The following MAD1L1 variants were observed in gnomAD, a reference collection of about 807,000 sequenced individuals.
MAD1L1 encodes the protein mitotic spindle assembly checkpoint protein MAD1.
A neutral mutation model predicts 96.9 loss-of-function variants in MAD1L1; 95 were observed. That is an observed-to-expected ratio of 0.98 (90% CI 0.83 to 1.16). The LOEUF (loss-of-function observed/expected upper bound fraction) is 1.16. MAD1L1 is among the 50% of genes most tolerant of loss of function. The pLI is 0.00. For synonymous variants in MAD1L1, 473 were observed against 396.6 expected (o/e 1.19, Z -2.29); for missense variants, 1,007 against 954.4 (o/e 1.06, Z -0.73).
At chr7:2,032,221 A>C (rs2128506839) in intron 12 of MAD1L1, among the ~76,000 whole-genome samples, 1 of 152,350 alleles carries the variant, frequency 6.6e-6, no homozygotes, top group African/African-American at 2.4e-5. Flanking sequence ...TTAAAAAATG[A>C]ACGAGTGAAA....
intron 13 of MAD1L1, among the ~76,000 whole-genome samples, chr7:2,005,889 A>C (rs1054424866): frequency 6.6e-5 from 10 of 152,242 alleles, no homozygotes; most frequent in African/African-American, 2.4e-4. Flanking sequence ...CAAATGGGAC[A>C]CTGCACAACC....
chr7:2,142,548 G>A lies in MAD1L1; in HGVS notation c.1073+6604C>T, dbSNP rs763759854. On this transcript the variant is annotated intron_variant, in intron 11 of 18. Transcript: ENST00000265854. This position sits in a 1 kb window ranked among gnomAD's most constrained non-coding sequence, Gnocchi z 4.7. ...CGCCCCTAGCTGCCACTGAGCCCAC[G>A]GTGAAGGGCACGGTGCCACCCAGAG... Among the ~76,000 whole-genome samples, 4 of 152,214 alleles carry A rather than the reference G, an allele frequency of 2.6e-5. No individual in the cohort carries two copies. Among genetic ancestry groups the A allele is most frequent in the Admixed American group, 2.0e-4 (3 of 15,288 alleles).
chr7:1,925,817 T>C (rs1019562290), intron 17 of MAD1L1, among the ~76,000 whole-genome samples: 35 of 152,206 alleles, frequency 2.3e-4, no homozygotes, highest in African/African-American at 6.8e-4. Flanking sequence ...ACGGAACGCT[T>C]ACGTTGGAAA....
At chr7:1,881,659 G>A (rs114685279) in intron 18 of MAD1L1, among the ~76,000 whole-genome samples, 246 of 152,306 alleles carry the variant, frequency 1.6e-3, no homozygotes, top group African/African-American at 5.3e-3. Flanking sequence ...TTAATTGAGC[G>A]TAAAATGCTC....
chr7:2,226,986 CAAAAAA>C (rs34846451), intron 3 of MAD1L1, among the ~76,000 whole-genome samples: 1 of 124,412 alleles, frequency 8.0e-6, no homozygotes, highest in Non-Finnish European at 1.7e-5. Context: ...GAGTTCGTCT[CAAAAAA>C]AAAAAAACAA....
intron 12 of MAD1L1, among the ~76,000 whole-genome samples, chr7:2,056,133 GAACA>G (rs1784379028): frequency 6.6e-6 from 1 of 152,238 alleles, no homozygotes; most frequent in Admixed American, 6.5e-5. Context: ...GCGCCACAGG[GAACA>G]TGATGACTGT....
chr7:2,118,692 C>G (rs1432142434), intron 11 of MAD1L1, among the ~76,000 whole-genome samples: 1 of 152,176 alleles, frequency 6.6e-6, no homozygotes, highest in Non-Finnish European at 1.5e-5. Context: ...TGCCCACACA[C>G]TGCCTCCATG....
chr7:2,152,537 AG>A (rs1212802326), intron 10 of MAD1L1, among the ~76,000 whole-genome samples: 1 of 152,226 alleles, frequency 6.6e-6, no homozygotes, highest in African/African-American at 2.4e-5. Flanking sequence ...GCTCGATGAC[AG>A]CCTTCAAGAA....
At chr7:1,990,164 A>G (rs920045489) in intron 14 of MAD1L1, among the ~76,000 whole-genome samples, 2 of 152,204 alleles carry the variant, frequency 1.3e-5, no homozygotes, top group African/African-American at 2.4e-5. Flanking sequence ...CTCAGCTGCA[A>G]CCTGTGCCCG....
chr7:2,152,427 G>A (rs1057112658), intron 10 of MAD1L1, among the ~76,000 whole-genome samples: 4 of 152,194 alleles, frequency 2.6e-5, no homozygotes, highest in East Asian at 1.9e-4. Flanking sequence ...TGAAAAACCC[G>A]CAGTCACCAC....
intron 14 of MAD1L1, among the ~76,000 whole-genome samples, chr7:1,997,724 G>T (rs1562593925): frequency 6.6e-6 from 1 of 152,248 alleles, no homozygotes; most frequent in African/African-American, 2.4e-5. Flanking sequence ...GGGGGCAGGG[G>T]AGGGAGGCCA....
chr7:1,947,878 G>T (rs776289863), intron 16 of MAD1L1, among the ~76,000 whole-genome samples: 1 of 152,188 alleles, frequency 6.6e-6, no homozygotes, highest in Non-Finnish European at 1.5e-5. Flanking sequence ...CTGCGGGGCC[G>T]TGTCCCACCT....
At chr7:1,955,306 C>T (rs535843924) in intron 16 of MAD1L1, among the ~76,000 whole-genome samples, 24 of 152,266 alleles carry the variant, frequency 1.6e-4, no homozygotes, top group African/African-American at 5.8e-4. Flanking sequence ...GGGCGGCAGC[C>T]GGCTCCTGGG....
intron 11 of MAD1L1, among the ~76,000 whole-genome samples, chr7:2,112,912 G>A (rs547422696): frequency 7.2e-5 from 11 of 152,126 alleles, no homozygotes; most frequent in South Asian, 2.1e-4. Flanking sequence ...CACAGGGCAC[G>A]AGAGCCCAAC....
At chr7:1,835,675 T>C (rs1242019177) in intron 18 of MAD1L1, among the ~76,000 whole-genome samples, 1 of 151,984 alleles carries the variant, frequency 6.6e-6, no homozygotes, top group African/African-American at 2.4e-5. Context: ...AAGAAAGAAT[T>C]TGAGGTGAGT....
At chr7:1,899,391 C>A (rs867154841) in intron 17 of MAD1L1, among the ~76,000 whole-genome samples, 1 of 152,120 alleles carries the variant, frequency 6.6e-6, no homozygotes, top group Non-Finnish European at 1.5e-5. Context: ...CTGCTCCAGG[C>A]GGGGACGGGA....
intron 16 of MAD1L1, among the ~76,000 whole-genome samples, chr7:1,940,772 ATTC>A (rs1176603228): frequency 6.6e-6 from 1 of 152,134 alleles, no homozygotes; most frequent in Non-Finnish European, 1.5e-5. Flanking sequence ...GTCCCAAAAT[ATTC>A]TTCTTTTGAT....
At chr7:1,874,836 G>A (rs1217416211) in intron 18 of MAD1L1, among the ~76,000 whole-genome samples, 5 of 152,070 alleles carry the variant, frequency 3.3e-5, no homozygotes, top group Non-Finnish European at 7.4e-5. Context: ...ATAGGGAGGA[G>A]GGGAAGGCAG....
At chr7:2,141,596 C>T (rs1055289627) in intron 11 of MAD1L1, among the ~76,000 whole-genome samples, 2 of 152,196 alleles carry the variant, frequency 1.3e-5, no homozygotes, top group Admixed American at 1.3e-4. Context: ...GACAGACGCC[C>T]GCTCACCCAG....
Sources: gnomAD v4.1 joint callset for allele counts (sites outside exome capture counted in the v4.1 genomes callset) on GRCh38, gnomAD v4.1.1 for gene constraint, Gnocchi (gnomAD v3.1) non-coding constraint, MANE v1.5 for transcripts, NCBI Gene and HGNC (gene_info 2026-07-23, HGNC 2026-07-21) for gene names.